Variants in NBEA observed in about 807,000 individuals in gnomAD.
NBEA encodes the protein neurobeachin.
NBEA carries 44 observed loss-of-function variants against 343.4 expected under a neutral mutation model. The ratio of observed to expected loss-of-function variants is 0.13; its 90% CI spans 0.10 to 0.16. The LOEUF (loss-of-function observed/expected upper bound fraction) is 0.16, where lower values mean the gene tolerates loss of function less well. Ranked by LOEUF, NBEA falls within the 10% of genes least tolerant of loss-of-function variation. NBEA has a pLI of 1.00. For synonymous variants in NBEA, 1,175 were observed against 1,238.7 expected, an observed-to-expected ratio of 0.95 and a Z score of 1.08; for missense variants, 2,555 against 3,631.3, an observed-to-expected ratio of 0.70 and a Z score of 7.62.
At chr13:35,395,792 T>G (rs1384206233) in intron 38 of NBEA, among the ~76,000 whole-genome samples, 2 of 152,204 alleles carry the variant, frequency 1.3e-5, no homozygotes, top group African/African-American at 4.8e-5. Flanking sequence ...CTGTCAATTT[T>G]GCATCATATA....
chr13:35,525,590 C>CA (rs1332673408), intron 41 of NBEA, among the ~76,000 whole-genome samples: 5 of 152,008 alleles, frequency 3.3e-5, no homozygotes, highest in Non-Finnish European at 4.4e-5. Context: ...AAATAAAAAA[C>CA]AAAAAAACTT....
At chr13:35,139,757 T>G (rs9573284) in intron 17 of NBEA, among the ~76,000 whole-genome samples, 37,102 of 135,754 alleles carry the variant, frequency 0.27, 6,237 homozygotes, top group Middle Eastern at 0.49. Flanking sequence ...TTTTTTTTTT[T>G]TTTTTTTTTT....
chr13:35,394,048 A>G (rs556390111), intron 38 of NBEA, among the ~76,000 whole-genome samples: 1 of 152,240 alleles, frequency 6.6e-6, no homozygotes, highest in East Asian at 1.9e-4. Context: ...TCCTGTTTGA[A>G]CTATTTTATA....
chr13:35,385,980 A>G (rs2152895709), intron 38 of NBEA, among the ~76,000 whole-genome samples: 1 of 152,298 alleles, frequency 6.6e-6, no homozygotes. Flanking sequence ...CAGTAAATAT[A>G]ATGGTATTTC....
At chr13:35,117,285 A>G (rs1324015591) in intron 13 of NBEA, 129 bp from the exon 14 acceptor site, 3 of 334,474 alleles carry the variant, frequency 9.0e-6, no homozygotes, top group African/African-American at 4.4e-5. Flanking sequence ...ATTTTATAGC[A>G]TTAATATAAA....
chr13:35,373,383 A>C (rs548908889), intron 38 of NBEA, among the ~76,000 whole-genome samples: 33 of 152,302 alleles, frequency 2.2e-4, no homozygotes, highest in Non-Finnish European at 4.3e-4. Flanking sequence ...TTCTTACAAG[A>C]AAGTAAGTTA....
At position 35,472,473 on chromosome 13, in the gene NBEA, C is replaced by T; in HGVS notation, c.6522C>T (p.Thr2174=). Residue 2174 remains threonine, a synonymous_variant, in exon 41 of 59, where the codon ACC becomes ACT. Transcript: ENST00000379939. ...TGGCCAAGGGGACTCTCTCCATCAC[C>T]ACGACAGAAATCTACTTCGAGGTAG... ...VVVAKGTLSI[T]TTEIYFEVDE... 1 of 1,613,988 alleles carries T rather than the reference C, an allele frequency of 6.2e-7. No individual in the cohort carries two copies. The highest frequency in any genetic ancestry group is 8.5e-7 in the Non-Finnish European group (1 of 1,179,898).
chr13:35,041,525 AT>A (rs916933134), intron 2 of NBEA, among the ~76,000 whole-genome samples: 36 of 152,170 alleles, frequency 2.4e-4, no homozygotes, highest in African/African-American at 8.7e-4. Context: ...TATAATGAGC[AT>A]TTTACCAAAT....
At chr13:35,531,453 G>T (rs941054097) in intron 41 of NBEA, among the ~76,000 whole-genome samples, 12 of 151,994 alleles carry the variant, frequency 7.9e-5, no homozygotes, top group Admixed American at 7.9e-4. Context: ...CACATGTAAA[G>T]ATACAAAATA....
chr13:35,246,291 G>A (rs2152782731), intron 34 of NBEA, among the ~76,000 whole-genome samples: 1 of 152,208 alleles, frequency 6.6e-6, no homozygotes, highest in East Asian at 1.9e-4. Flanking sequence ...TGGCAATTCA[G>A]GGATTTCTTC....
chr13:35,151,233 A>G (rs570404959), intron 18 of NBEA, among the ~76,000 whole-genome samples: 33 of 152,038 alleles, frequency 2.2e-4, no homozygotes, highest in African/African-American at 8.0e-4. Context: ...GATGCTTGTA[A>G]TATAATAAAC....
intron 33 of NBEA, among the ~76,000 whole-genome samples, chr13:35,223,731 G>A (rs2152763492): frequency 6.6e-6 from 1 of 152,172 alleles, no homozygotes; most frequent in South Asian, 2.1e-4. Flanking sequence ...GCTCTGGTAT[G>A]TCTCTGTGTT....
intron 1 of NBEA, among the ~76,000 whole-genome samples, chr13:35,039,230 T>A (rs1270604805): frequency 6.6e-6 from 1 of 150,766 alleles, no homozygotes; most frequent in Non-Finnish European, 1.5e-5. Context: ...GCCATGCTGC[T>A]GGAGTCAGGG....
chr13:35,139,751 T>TTTG (rs2067975152), intron 17 of NBEA, among the ~76,000 whole-genome samples: 4 of 140,646 alleles, frequency 2.8e-5, no homozygotes, highest in South Asian at 4.6e-4. Context: ...GGCGTTTTTT[T>TTTG]TTTTTTTTTT....
intron 10 of NBEA, among the ~76,000 whole-genome samples, chr13:35,075,893 G>A (rs1277447164): frequency 6.6e-6 from 1 of 151,864 alleles, no homozygotes; most frequent in Non-Finnish European, 1.5e-5. Flanking sequence ...GAAGTGACAT[G>A]AAAATCCTTT....
chr13:35,191,166 A>G (rs929859212), intron 30 of NBEA, among the ~76,000 whole-genome samples: 4 of 152,110 alleles, frequency 2.6e-5, no homozygotes, highest in Non-Finnish European at 5.9e-5. Context: ...ATTAAGTTGA[A>G]CCAACATATG....
At chr13:35,119,535 A>T (rs1464702567) in intron 16 of NBEA, among the ~76,000 whole-genome samples, 6 of 152,132 alleles carry the variant, frequency 3.9e-5, no homozygotes, top group Non-Finnish European at 8.8e-5. Flanking sequence ...AGGGCTGCCA[A>T]TCTATTTGAA....
At chr13:35,660,004 AG>A (rs1413742824) in intron 55 of NBEA, among the ~76,000 whole-genome samples, 11 of 152,216 alleles carry the variant, frequency 7.2e-5, no homozygotes, top group Admixed American at 6.5e-4. Context: ...TTTGTCAGGT[AG>A]GTATCTTGGA....
At chr13:35,254,076 A>G (rs545092004) in intron 34 of NBEA, among the ~76,000 whole-genome samples, 2 of 152,078 alleles carry the variant, frequency 1.3e-5, no homozygotes, top group South Asian at 4.2e-4. Flanking sequence ...ATATTTTTGT[A>G]CCTACATCCT....
Sources: gnomAD v4.1 joint callset for allele counts (sites outside exome capture counted in the v4.1 genomes callset) on GRCh38, gnomAD v4.1.1 for gene constraint, MANE v1.5 for transcripts, NCBI Gene and HGNC (gene_info 2026-07-23, HGNC 2026-07-21) for gene names.